Variants in GLP2R observed in about 807,000 individuals in gnomAD.
GLP2R encodes the protein glucagon like peptide 2 receptor.
Under a neutral mutation model 68.2 loss-of-function variants are expected in GLP2R, and 59 were observed. That is an observed-to-expected ratio of 0.87 (90% CI 0.70 to 1.07). GLP2R has a LOEUF of 1.07. Ranked by LOEUF, GLP2R falls within the 50% of genes least tolerant of loss-of-function variation. GLP2R has a pLI of 0.00. For synonymous variants in GLP2R, 270 were observed against 265.4 expected, an observed-to-expected ratio of 1.02 and a Z score of -0.17; for missense variants, 548 against 677.4, an observed-to-expected ratio of 0.81 and a Z score of 2.12.
chr17:9,858,472 G>A (rs1045564608), intron 6 of GLP2R, among the ~76,000 whole-genome samples: 3 of 152,200 alleles, frequency 2.0e-5, no homozygotes, highest in Non-Finnish European at 4.4e-5. Context: ...TCAGGTTGGG[G>A]ATCAAATTTG....
intron 4 of GLP2R, among the ~76,000 whole-genome samples, chr17:9,847,177 T>G (rs1012570191): frequency 6.6e-6 from 1 of 152,220 alleles, no homozygotes. Flanking sequence ...AACACAGACA[T>G]GTAGAAATGT....
chr17:9,835,094 T>C (rs1251626766), intron 2 of GLP2R, among the ~76,000 whole-genome samples: 1 of 143,688 alleles, frequency 7.0e-6, no homozygotes, highest in Non-Finnish European at 1.5e-5. Flanking sequence ...AGTGGCGCGA[T>C]CTCAGCTCAC....
At chr17:9,865,325 T>C (rs943901627) in intron 9 of GLP2R, among the ~76,000 whole-genome samples, 4 of 152,196 alleles carry the variant, frequency 2.6e-5, no homozygotes, top group East Asian at 3.8e-4. Context: ...TGTGTGTGTG[T>C]GTGTGTGTGT....
intron 4 of GLP2R, among the ~76,000 whole-genome samples, chr17:9,845,063 CTTT>C (rs567510721): frequency 2.8e-5 from 4 of 143,918 alleles, no homozygotes; most frequent in Non-Finnish European, 3.0e-5. Context: ...CAAGTTGTGG[CTTT>C]TTTTTTTTTT....
rs2067184203 is a variant in GLP2R, at chr17:9,880,391, A to G, written c.1159A>G (p.Thr387Ala). 1 of 1,597,806 alleles carries G rather than the reference A, an allele frequency of 6.3e-7. No homozygotes were observed. Among genetic ancestry groups the G allele is most frequent in the Non-Finnish European group, 8.6e-7 (1 of 1,169,510 alleles). Reference sequence around the variant, plus strand: ...TGTCATTTACAGATTGGCAAAATCAACACTGGTCCTCATTCCTTTATTGGG... The same window carrying G: ...TGTCATTTACAGATTGGCAAAATCAGCACTGGTCCTCATTCCTTTATTGGG... Reference protein sequence around the residue: ...RDYKYRLAKSTLVLIPLLGVH... With the variant: ...RDYKYRLAKSALVLIPLLGVH... The change falls in exon 11 of 13, where the codon ACA becomes GCA. Residue 387 changes from threonine (T) to alanine (A), a missense_variant. Transcript: ENST00000262441.
chr17:9,828,237 C>A (rs934456370), intron 1 of GLP2R, among the ~76,000 whole-genome samples: 1 of 152,202 alleles, frequency 6.6e-6, no homozygotes, highest in African/African-American at 2.4e-5. Flanking sequence ...TCAATGGTTT[C>A]ATGGAATTCT....
intron 12 of GLP2R, among the ~76,000 whole-genome samples, chr17:9,888,252 T>A (rs983655302): frequency 6.6e-6 from 1 of 152,150 alleles, no homozygotes; most frequent in African/African-American, 2.4e-5. Context: ...GGAAACAAGC[T>A]TGAACCTCAG....
intron 3 of GLP2R, among the ~76,000 whole-genome samples, chr17:9,838,212 A>T (rs1348174108): frequency 6.6e-6 from 1 of 152,212 alleles, no homozygotes; most frequent in East Asian, 1.9e-4. Context: ...CCCCGAGGTC[A>T]GACCCAGTCC....
chr17:9,826,169 C>A lies in GLP2R; in HGVS notation c.106C>A (p.Pro36Thr), dbSNP rs1309600755. Residue 36 changes from proline to threonine, a missense_variant, in exon 1 of 13, where the codon CCT (proline) becomes ACT (threonine). Transcript: ENST00000262441. ...CATCCCTGCCCCCTGGGGGACCAGTCCTCTCTCCTTCCACAGGAAGTGCTC... is the reference window on the plus strand; with the variant it reads ...CATCCCTGCCCCCTGGGGGACCAGTACTCTCTCCTTCCACAGGAAGTGCTC... The part of the protein sequence containing the change: ...MGIPAPWGTS[P>T]LSFHRKCSLW... 4 of 1,613,270 alleles carry A rather than the reference C, an allele frequency of 2.5e-6. No individual in the cohort carries two copies. The highest frequency in any genetic ancestry group is 3.4e-6 in the Non-Finnish European group (4 of 1,179,664).
chr17:9,871,503 T>C (rs1292573186), intron 10 of GLP2R, among the ~76,000 whole-genome samples: 1 of 152,120 alleles, frequency 6.6e-6, no homozygotes, highest in Non-Finnish European at 1.5e-5. Context: ...CACAAACTTT[T>C]AGGGTCTAAG....
rs762524606 is a variant in GLP2R, at chr17:9,854,453, C to T, written c.505-42C>T. 7.5e-6 allele frequency: 9 copies of T among 1,201,858 alleles called. No homozygotes were observed. In the African/African-American group the frequency reaches 1.0e-4, roughly 14 times the overall value. 74.4% of individuals were successfully genotyped at this position (1,201,858 alleles called of 1,614,324 possible). ...TGGAGCTGGGGGTTGTGGCCATAGC[C>T]CCATGGCTTAGTGGTCATGTCTGCT... On this transcript the variant is annotated intron_variant, in intron 4 of 12. Coordinates refer to ENST00000262441, the MANE Select transcript of GLP2R (RefSeq NM_004246.3).
intron 4 of GLP2R, among the ~76,000 whole-genome samples, chr17:9,853,557 G>T (rs1291003291): frequency 6.6e-6 from 1 of 152,224 alleles, no homozygotes; most frequent in East Asian, 1.9e-4. Flanking sequence ...ATACTTTATA[G>T]ACATTAGAAG....
chr17:9,847,876 GCAGTGGCT>G (rs977679318), intron 4 of GLP2R, among the ~76,000 whole-genome samples: 12 of 152,122 alleles, frequency 7.9e-5, no homozygotes, highest in African/African-American at 2.9e-4. Flanking sequence ...CCATCAAGGC[GCAGTGGCT>G]CATAAGTATG....
At chr17:9,843,474 A>C (rs1261567586) in intron 4 of GLP2R, among the ~76,000 whole-genome samples, 1 of 152,236 alleles carries the variant, frequency 6.6e-6, no homozygotes, top group Non-Finnish European at 1.5e-5. Context: ...AACCTGGTAC[A>C]CGGTCAGCAT....
chr17:9,873,264 G>A (rs1451594036), intron 10 of GLP2R, among the ~76,000 whole-genome samples: 1 of 152,196 alleles, frequency 6.6e-6, no homozygotes, highest in African/African-American at 2.4e-5. Flanking sequence ...TGACCCCAAA[G>A]GGACTCAGAG....
intron 11 of GLP2R, among the ~76,000 whole-genome samples, chr17:9,886,934 C>G (rs1270801322): frequency 6.6e-6 from 1 of 152,200 alleles, no homozygotes; most frequent in Non-Finnish European, 1.5e-5. Context: ...GCACACACAT[C>G]CAGTTCCAAT....
intron 1 of GLP2R, among the ~76,000 whole-genome samples, chr17:9,830,622 C>T (rs1329156584): frequency 1.3e-5 from 2 of 152,142 alleles, no homozygotes; most frequent in Non-Finnish European, 2.9e-5. Flanking sequence ...TTGTATACCC[C>T]AGGGCACCAC....
intron 10 of GLP2R, among the ~76,000 whole-genome samples, chr17:9,872,353 T>TA (rs1398160882): frequency 3.3e-5 from 5 of 152,140 alleles, no homozygotes; most frequent in Non-Finnish European, 7.4e-5. Flanking sequence ...AAGGTGGGCA[T>TA]ATCACCTGAG....
chr17:9,876,250 A>G (rs1249591796), intron 10 of GLP2R, among the ~76,000 whole-genome samples: 1 of 152,246 alleles, frequency 6.6e-6, no homozygotes, highest in Non-Finnish European at 1.5e-5. Flanking sequence ...GTAGGAAACA[A>G]AAGCTTTTCC....
Sources: allele counts gnomAD v4.1 joint callset (sites outside exome capture counted in the v4.1 genomes callset), GRCh38; gene constraint gnomAD v4.1.1; transcripts MANE v1.5; gene names NCBI Gene and HGNC (gene_info 2026-07-23, HGNC 2026-07-21).